Variants in SGMS1 observed in about 807,000 individuals in gnomAD.
SGMS1 encodes phosphatidylcholine:ceramide cholinephosphotransferase 1.
Under a neutral mutation model 46.2 loss-of-function variants are expected in SGMS1, and 13 were observed. The observed-to-expected ratio is 0.28, with a 90% CI of 0.18 to 0.45. The LOEUF (loss-of-function observed/expected upper bound fraction) is 0.45. Ranked by LOEUF, SGMS1 falls within the 20% of genes least tolerant of loss-of-function variation. SGMS1 has a pLI of 1.00. For missense variants in SGMS1, 324 were observed against 519.9 expected, an observed-to-expected ratio of 0.62 and a Z score of 3.66; for synonymous variants, 203 against 187.8, an observed-to-expected ratio of 1.08 and a Z score of -0.66.
chr10:50,408,716 T>C (rs1358683392), intron 6 of SGMS1, among the ~76,000 whole-genome samples: 2 of 151,854 alleles, frequency 1.3e-5, no homozygotes, highest in Non-Finnish European at 2.9e-5. Context: ...GGTGCATGCC[T>C]GTAGTCCCAG....
chr10:50,536,903 C>T (rs1353719804), intron 2 of SGMS1, among the ~76,000 whole-genome samples: 1 of 152,120 alleles, frequency 6.6e-6, no homozygotes, highest in African/African-American at 2.4e-5. Context: ...GGGTTGCTTC[C>T]AATGTTCAGC....
At chr10:50,620,800 C>T (rs1324498057) in intron 1 of SGMS1, among the ~76,000 whole-genome samples, 1 of 152,170 alleles carries the variant, frequency 6.6e-6, no homozygotes, top group East Asian at 1.9e-4. Flanking sequence ...CAGCACTTTT[C>T]AGAGTTTTCC....
intron 1 of SGMS1, among the ~76,000 whole-genome samples, chr10:50,612,650 T>C (rs1838760809): frequency 6.6e-6 from 1 of 152,248 alleles, no homozygotes; most frequent in African/African-American, 2.4e-5. Context: ...AAGTCGTTAA[T>C]CTTCTCCAGG....
At position 50,621,692 on chromosome 10, in the gene SGMS1, G is replaced by T. The variant is rs190757433; in HGVS notation, c.-684+2015C>A. 3.3e-5 allele frequency among the ~76,000 whole-genome samples: 5 copies of T among 152,284 alleles called. No individual in the cohort carries two copies. In the East Asian group the frequency reaches 9.6e-4, roughly 29 times the overall value. On this transcript the variant is annotated intron_variant, in intron 1 of 10. Transcript: ENST00000361781. ...AATGTCTTTTATTAAAAAGTTTCCGGAAATTTCAAATAGCTCACTATCATC... is the reference window on the plus strand; with the variant it reads ...AATGTCTTTTATTAAAAAGTTTCCGTAAATTTCAAATAGCTCACTATCATC...
At chr10:50,551,599 G>A (rs979000868) in intron 2 of SGMS1, among the ~76,000 whole-genome samples, 2 of 152,030 alleles carry the variant, frequency 1.3e-5, no homozygotes, top group African/African-American at 4.8e-5. Context: ...GATATTAGCA[G>A]TAGGGGAAAC....
At chr10:50,604,759 GAAGA>G (rs1321291002) in intron 1 of SGMS1, among the ~76,000 whole-genome samples, 2 of 151,740 alleles carry the variant, frequency 1.3e-5, no homozygotes, top group East Asian at 3.9e-4. Context: ...CCACAAAAAA[GAAGA>G]AAGATTATTT....
At chr10:50,318,976 T>C (rs1422582523) in intron 8 of SGMS1, among the ~76,000 whole-genome samples, 1 of 152,166 alleles carries the variant, frequency 6.6e-6, no homozygotes, top group Non-Finnish European at 1.5e-5. Flanking sequence ...CCGGAAGACT[T>C]ATCAAAGGCT....
At chr10:50,334,357 G>A (rs1847678188) in intron 7 of SGMS1, among the ~76,000 whole-genome samples, 2 of 152,190 alleles carry the variant, frequency 1.3e-5, no homozygotes. Flanking sequence ...TATATACACA[G>A]AATACGAATG....
At chr10:50,398,815 A>G (rs1426464788) in intron 6 of SGMS1, among the ~76,000 whole-genome samples, 1 of 152,034 alleles carries the variant, frequency 6.6e-6, no homozygotes, top group African/African-American at 2.4e-5. Context: ...TATTATTATT[A>G]TTATTCAAGA....
intron 1 of SGMS1, 134 bp downstream of exon 1, chr10:50,623,573 G>T (rs941524174): frequency 2.0e-6 from 2 of 984,910 alleles, no homozygotes; most frequent in African/African-American, 3.5e-5. Context: ...GCACCGCGCG[G>T]GCTGCGCTCA....
intron 5 of SGMS1, among the ~76,000 whole-genome samples, chr10:50,439,612 A>C (rs1290227655): frequency 6.6e-6 from 1 of 152,218 alleles, no homozygotes; most frequent in East Asian, 1.9e-4. Flanking sequence ...CTAACATTTC[A>C]TGACACTATA....
intron 2 of SGMS1, among the ~76,000 whole-genome samples, chr10:50,561,557 C>T (rs1197074351): frequency 6.6e-6 from 1 of 152,276 alleles, no homozygotes; most frequent in Non-Finnish European, 1.5e-5. Context: ...ATGACCTTCG[C>T]AAGTAACAAA....
intron 3 of SGMS1, among the ~76,000 whole-genome samples, chr10:50,481,647 A>G (rs1231584126): frequency 6.6e-6 from 1 of 152,220 alleles, no homozygotes; most frequent in Non-Finnish European, 1.5e-5. Flanking sequence ...ACTCTCCAGC[A>G]AGGGCACAGA....
chr10:50,434,842 C>T lies in SGMS1; in HGVS notation c.-312-1286G>A, dbSNP rs562122696. Among the ~76,000 whole-genome samples the T allele has an allele frequency of 1.1e-4, 16 of 149,470 alleles. No individual in the cohort carries two copies. The South Asian group carries it at 3.2e-3, about 30-fold the overall frequency. On this transcript the variant is annotated intron_variant, in intron 5 of 10. Coordinates refer to ENST00000361781, the MANE Select transcript of SGMS1 (RefSeq NM_147156.4). ...GAGTTTGCAGTGAGCCGAGATCACGCCACTGCACTCCAACCTGGGCGACAG... is the reference window on the plus strand; with the variant it reads ...GAGTTTGCAGTGAGCCGAGATCACGTCACTGCACTCCAACCTGGGCGACAG...
intron 7 of SGMS1, chr10:50,340,476 GACA>G (rs1396688362): frequency 1.3e-5 from 2 of 152,148 alleles, no homozygotes; most frequent in African/African-American, 2.4e-5. Flanking sequence ...TAAATGGGGA[GACA>G]ACATTATTTA....
intron 6 of SGMS1, among the ~76,000 whole-genome samples, chr10:50,421,294 G>A (rs557162745): frequency 1.3e-5 from 2 of 152,246 alleles, no homozygotes; most frequent in South Asian, 4.1e-4. Context: ...CTAAAGCTGA[G>A]GGCACATTAC....
At chr10:50,412,148 G>A (rs374925511) in intron 6 of SGMS1, among the ~76,000 whole-genome samples, 9 of 152,114 alleles carry the variant, frequency 5.9e-5, no homozygotes, top group African/African-American at 2.2e-4. Context: ...CAAGCTGCTG[G>A]GGGCAGAGGG....
At position 50,401,993 on chromosome 10, in the gene SGMS1, CAAG is replaced by C. The variant is rs1219982493; in HGVS notation, c.-232+31480_-232+31482del. ...CAAAGTGGTACAAAACTGTTGTACC[CAAG>C]AAATTATTTGTGAGCTTTCTGTTGA... On this transcript the variant is annotated intron_variant, in intron 6 of 10. Coordinates refer to ENST00000361781, the MANE Select transcript of SGMS1 (RefSeq NM_147156.4). 7.2e-5 allele frequency among the ~76,000 whole-genome samples: 11 copies of C among 152,214 alleles called. No individual in the cohort carries two copies. The South Asian group carries it at 1.0e-3, about 14-fold the overall frequency.
At chr10:50,467,497 G>C (rs1029945769) in intron 3 of SGMS1, among the ~76,000 whole-genome samples, 1 of 152,074 alleles carries the variant, frequency 6.6e-6, no homozygotes, top group African/African-American at 2.4e-5. Context: ...GACTTTCTCA[G>C]CTAAAAATGA....
Sources: gnomAD v4.1 joint callset for allele counts (sites outside exome capture counted in the v4.1 genomes callset) on GRCh38, gnomAD v4.1.1 for gene constraint, MANE v1.5 for transcripts, NCBI Gene and HGNC (gene_info 2026-07-23, HGNC 2026-07-21) for gene names.